PDZD9: variants seen among roughly 807,000 people sequenced by gnomAD.
PDZD9 encodes the protein PDZ domain-containing protein 9.
A neutral mutation model predicts 16.3 loss-of-function variants in PDZD9; 13 were observed. The ratio of observed to expected loss-of-function variants is 0.80; its 90% CI spans 0.52 to 1.27. The LOEUF is 1.27. PDZD9 is among the 50% of genes most tolerant of loss of function. The probability of loss-of-function intolerance (pLI) is 0.00; values close to 1 mark genes in which losing one functional copy is unlikely to be tolerated. For missense variants in PDZD9, 288 were observed against 310.9 expected, an observed-to-expected ratio of 0.93 and a Z score of 0.55; for synonymous variants, 120 against 111.0, an observed-to-expected ratio of 1.08 and a Z score of -0.51.
the PDZD9 span, among the ~76,000 whole-genome samples, chr16:21,974,913 GAC>G: frequency 6.6e-6 from 1 of 152,174 alleles, no homozygotes; most frequent in African/African-American, 2.4e-5. Flanking sequence ...GTCATGTTTT[GAC>G]AGACGTGAGA....
At chr16:22,000,515 C>T (rs1899267378) in intron 1 of PDZD9, among the ~76,000 whole-genome samples, 1 of 151,872 alleles carries the variant, frequency 6.6e-6, no homozygotes, top group Admixed American at 6.6e-5. Context: ...TATAGCTTGT[C>T]AAAACGGTAG....
downstream of PDZD9, among the ~76,000 whole-genome samples, chr16:21,980,060 G>A (rs1042003878): frequency 6.6e-6 from 1 of 152,182 alleles, no homozygotes; most frequent in Non-Finnish European, 1.5e-5. Flanking sequence ...TATGATGTTC[G>A]ATACGTTAGG....
chr16:21,987,336 C>G (rs1898901772), intron 3 of PDZD9, among the ~76,000 whole-genome samples: 1 of 152,140 alleles, frequency 6.6e-6, no homozygotes, highest in South Asian at 2.1e-4. Context: ...AGGAGAATCA[C>G]TTGAACCCGA....
intron 2 of PDZD9, among the ~76,000 whole-genome samples, chr16:21,993,733 C>T (rs1899079384): frequency 6.6e-6 from 1 of 152,128 alleles, no homozygotes; most frequent in Non-Finnish European, 1.5e-5. Context: ...TGGCTTAATC[C>T]ACTGGGACCC....
chr16:21,990,057 C>T (rs1438153022), intron 2 of PDZD9, among the ~76,000 whole-genome samples: 1 of 152,194 alleles, frequency 6.6e-6, no homozygotes, highest in Non-Finnish European at 1.5e-5. Flanking sequence ...ATTTTCCAAG[C>T]CTGCTTCTCC....
downstream of PDZD9, chr16:21,980,700 T>G (rs767261117): frequency 4.3e-6 from 7 of 1,611,068 alleles, no homozygotes; most frequent in Non-Finnish European, 5.9e-6. Flanking sequence ...ATATCATAAA[T>G]GTAAGTAAAT....
chr16:21,969,057 A>C, the PDZD9 span, among the ~76,000 whole-genome samples: 1 of 152,294 alleles, frequency 6.6e-6, no homozygotes, highest in South Asian at 2.1e-4. Flanking sequence ...GTAGCCAACT[A>C]TCTTTGTTTT....
At chr16:21,966,647 T>C in the PDZD9 span, among the ~76,000 whole-genome samples, 1 of 152,258 alleles carries the variant, frequency 6.6e-6, no homozygotes, top group African/African-American at 2.4e-5. Context: ...ATGCCTTTCA[T>C]TCATATGGCA....
chr16:21,973,475 C>A, the PDZD9 span, among the ~76,000 whole-genome samples: 1 of 152,098 alleles, frequency 6.6e-6, no homozygotes, highest in African/African-American at 2.4e-5. Flanking sequence ...TTTTCTCTAA[C>A]TTTCTGACAT....
intron 1 of PDZD9, among the ~76,000 whole-genome samples, chr16:22,000,256 T>C (rs1899259353): frequency 1.3e-5 from 2 of 151,744 alleles, no homozygotes; most frequent in Non-Finnish European, 2.9e-5. Flanking sequence ...TGTGCCCTTT[T>C]AATAAAAATG....
the PDZD9 span, among the ~76,000 whole-genome samples, chr16:21,970,857 A>AT: frequency 6.6e-6 from 1 of 152,000 alleles, no homozygotes; most frequent in Non-Finnish European, 1.5e-5. Flanking sequence ...AACTGTTGGG[A>AT]TTACAGATGT....
chr16:21,987,917 A>G lies in PDZD9; in HGVS notation c.401+685T>C, dbSNP rs540055750. On this transcript the variant is annotated intron_variant, in intron 3 of 3. Coordinates refer to ENST00000424898, the MANE Select transcript of PDZD9 (RefSeq NM_001363519.1). Reference sequence around the variant, plus strand: ...AGATAGGATTTGCCAAGATGGGAGAAGTTTAAAAAGGCTTAGATGTTATTG... The same window carrying G: ...AGATAGGATTTGCCAAGATGGGAGAGGTTTAAAAAGGCTTAGATGTTATTG... Among the ~76,000 whole-genome samples, 26 of 152,094 alleles carry G rather than the reference A, an allele frequency of 1.7e-4. No individual in the cohort carries two copies. In the East Asian group the frequency reaches 5.0e-3, roughly 29 times the overall value.
the PDZD9 span, chr16:21,962,431 G>T: frequency 9.3e-6 from 15 of 1,613,132 alleles, no homozygotes; most frequent in Admixed American, 2.5e-4. Flanking sequence ...TGATTCAGAT[G>T]ATTTACTCTA....
chr16:21,965,557 C>T, the PDZD9 span: 18 of 1,365,126 alleles, frequency 1.3e-5, no homozygotes, highest in Non-Finnish European at 1.7e-5. Context: ...TTAAATTGAA[C>T]ATCTCCCATT....
the PDZD9 span, among the ~76,000 whole-genome samples, chr16:21,978,103 G>T: frequency 6.6e-6 from 1 of 152,136 alleles, no homozygotes. Context: ...GCAGAAAGTA[G>T]AATTTTGAAT....
the PDZD9 span, among the ~76,000 whole-genome samples, chr16:21,977,117 G>C: frequency 2.6e-5 from 4 of 152,148 alleles, no homozygotes; most frequent in Admixed American, 2.6e-4. Flanking sequence ...ACTTTGGGAG[G>C]CTGGGGCAGG....
the PDZD9 span, among the ~76,000 whole-genome samples, chr16:21,968,971 AG>A: frequency 6.6e-6 from 1 of 152,240 alleles, no homozygotes. Context: ...CTTTTTTAAA[AG>A]GAAGTACAGC....
chr16:21,971,623 A>G, the PDZD9 span: 1 of 1,613,158 alleles, frequency 6.2e-7, no homozygotes, highest in African/African-American at 1.3e-5. Flanking sequence ...CCGTGGAGGT[A>G]AGCATTTCAT....
chr16:21,981,238 TC>T (rs1335859346), downstream of PDZD9, among the ~76,000 whole-genome samples: 1 of 152,202 alleles, frequency 6.6e-6, no homozygotes, highest in Non-Finnish European at 1.5e-5. Context: ...ATATTATTGT[TC>T]CCTACAATAT....
Sources: gnomAD v4.1 joint callset for allele counts (sites outside exome capture counted in the v4.1 genomes callset) on GRCh38, gnomAD v4.1.1 for gene constraint, MANE v1.5 for transcripts, NCBI Gene and HGNC (gene_info 2026-07-23, HGNC 2026-07-21) for gene names.